The following DECR2 variants were observed in gnomAD, a reference collection of about 807,000 sequenced individuals.
DECR2 encodes 2,4-dienoyl-CoA reductase 2.
In DECR2, 34 loss-of-function variants were observed where a neutral mutation model predicts 29.2. The ratio of observed to expected loss-of-function variants is 1.16; its 90% CI spans 0.89 to 1.55. The LOEUF (loss-of-function observed/expected upper bound fraction) is 1.55. DECR2 is among the 40% of genes most tolerant of loss of function. DECR2 has a pLI of 0.00. For missense variants in DECR2, 485 were observed against 425.3 expected (o/e 1.14, Z -1.23); for synonymous variants, 224 against 182.7 (o/e 1.23, Z -1.82).
chr16:409,601 A>G (rs1158679607), intron 4 of DECR2: 4 of 152,112 alleles, frequency 2.6e-5, no homozygotes, highest in Non-Finnish European at 5.9e-5. Context: ...CACTGGTTTC[A>G]CTCTGCAGAA....
intron 2 of DECR2, among the ~76,000 whole-genome samples, chr16:405,873 C>G (rs567920074): frequency 6.6e-6 from 1 of 152,332 alleles, no homozygotes; most frequent in South Asian, 2.1e-4. Flanking sequence ...TTCGCAAGAA[C>G]AGTAGATAAG....
chr16:411,690 C>T, intron 8 of DECR2, 112 bp downstream of exon 8: 1 of 1,241,960 alleles, frequency 8.1e-7, no homozygotes, highest in Non-Finnish European at 1.1e-6. Flanking sequence ...TCCCCATCCT[C>T]CCGGCCCCTG....
At position 404,206 on chromosome 16, in the gene DECR2, A is replaced by T. The variant is rs144114224; in HGVS notation, c.81-750A>T. 3.8e-4 allele frequency among the ~76,000 whole-genome samples: 58 copies of T among 151,586 alleles called. 1 individual carries two copies. In the East Asian group the frequency reaches 6.0e-3, roughly 16 times the overall value. On this transcript the variant is annotated intron_variant, in intron 1 of 8. Coordinates refer to ENST00000219481, the MANE Select transcript of DECR2 (RefSeq NM_020664.4). Reference sequence around the variant, plus strand: ...TAAAAAATAAATAAATAAATTAAATAAAATACTATAATTTTATGAATTTTC... The same window carrying T: ...TAAAAAATAAATAAATAAATTAAATTAAATACTATAATTTTATGAATTTTC...
chr16:403,024 T>C, intron 1 of DECR2: 7 of 985,156 alleles, frequency 7.1e-6, no homozygotes, highest in Non-Finnish European at 8.4e-6. Flanking sequence ...AGGACAGGTA[T>C]TGACAATTCT....
chr16:406,906 C>T, intron 3 of DECR2: 1 of 1,025,924 alleles, frequency 9.7e-7, no homozygotes, highest in Non-Finnish European at 1.2e-6. Flanking sequence ...ACCACTGTGC[C>T]CAGCCGGCAC....
chr16:411,133 C>T (rs1317548049), intron 7 of DECR2, 57 bp downstream of exon 7: 3 of 1,431,894 alleles, frequency 2.1e-6, no homozygotes, highest in Non-Finnish European at 1.8e-6. Flanking sequence ...GCACAGGGTG[C>T]CCATGAAGCT....
chr16:410,318 C>A lies in DECR2; in HGVS notation c.413C>A (p.Thr138Asn). ...TTCAAGACCGTGATGGACATCGATA[C>A]CAGCGGCACCTTCAATGTGTCTCGT... is the stretch of plus-strand genomic sequence containing the variant. ...NAFKTVMDID[T>N]SGTFNVSRVL... Residue 138 changes from threonine (T) to asparagine (N), a missense_variant, in exon 5 of 9, where the codon ACC becomes AAC. By Grantham distance (65) the Thr-to-Asn change is moderately conservative. Coordinates refer to ENST00000219481, the MANE Select transcript of DECR2 (RefSeq NM_020664.4). The surrounding 1 kb of genome is among the most constrained non-coding windows in gnomAD (Gnocchi z 4.1). 6.2e-7 allele frequency: 1 copy of A among 1,613,372 alleles called. No homozygotes were observed.
intron 4 of DECR2, among the ~76,000 whole-genome samples, chr16:408,802 T>A (rs1357133285): frequency 1.3e-5 from 2 of 150,576 alleles, no homozygotes; most frequent in Non-Finnish European, 2.9e-5. Flanking sequence ...CAAGCAAGAG[T>A]CATCAATAAA....
intron 1 of DECR2, chr16:403,110 T>C (rs1284466956): frequency 2.4e-6 from 2 of 827,568 alleles, no homozygotes; most frequent in Non-Finnish European, 2.9e-6. Flanking sequence ...GCAATTCTCC[T>C]GCCTCAGCCT....
chr16:403,911 T>C (rs917959610), intron 1 of DECR2, among the ~76,000 whole-genome samples: 1 of 152,052 alleles, frequency 6.6e-6, no homozygotes, highest in Admixed American at 6.6e-5. Flanking sequence ...TGGTGGCTCA[T>C]GCCTGTAATC....
chr16:409,156 A>G (rs1279983755), intron 4 of DECR2, among the ~76,000 whole-genome samples: 2 of 143,238 alleles, frequency 1.4e-5, no homozygotes, highest in Non-Finnish European at 3.0e-5. Flanking sequence ...TTATTTCTTT[A>G]TTTTTTATTT....
At position 408,111 on chromosome 16, in the gene DECR2, A is replaced by C. The variant is rs2363760; in HGVS notation, c.337+551A>C. On this transcript the variant is annotated intron_variant, in intron 4 of 8. Transcript: ENST00000219481. ...CCTGTCTCCAGCCCCCTGTCTCCGG[A>C]CCTCTGTCTCCGGGCCCCTGTCTCC... is the stretch of plus-strand genomic sequence containing the variant. 4.1e-3 allele frequency among the ~76,000 whole-genome samples: 14 copies of C among 3,444 alleles called. 6 individuals are homozygous for C. Among genetic ancestry groups the C allele is most frequent in the South Asian group, 0.016 (2 of 126 alleles). The allele number at this position is 3,444 out of a possible 152,430, so 2.3% of individuals were successfully genotyped here.
At chr16:411,868 C>T (rs1395990340) in intron 8 of DECR2, 22 bp from the exon 9 acceptor site, 1 of 416,568 alleles carries the variant, frequency 2.4e-6, no homozygotes, top group East Asian at 4.0e-5. Flanking sequence ...CAGCCGGCTA[C>T]TAAGTTCTGA....
In DECR2 at chr16:411,431, G is replaced by A. The variant is rs2054817579; in HGVS notation, c.732G>A (p.Glu244=). The A allele has an allele frequency of 1.2e-6, 2 of 1,613,402 alleles. No individual in the cohort carries two copies. Among genetic ancestry groups the A allele is most frequent in the Admixed American group, 3.3e-5 (2 of 60,002 alleles). Residue 244 remains glutamate, a synonymous_variant, in exon 8 of 9, where the codon GAG becomes GAA. Transcript: ENST00000219481. ...TGCAGAGGCTGGGGAACAAGACCGAGATCGCCCACAGCGTGCTCTACCTGG... is the reference window on the plus strand; with the variant it reads ...TGCAGAGGCTGGGGAACAAGACCGAAATCGCCCACAGCGTGCTCTACCTGG... ...SPLQRLGNKT[E]IAHSVLYLAS...
chr16:402,142 A>G, intron 1 of DECR2, 99 bp downstream of exon 1: 1 of 969,174 alleles, frequency 1.0e-6, no homozygotes. Context: ...GTGTTAGGAA[A>G]CCTGTCTTGC....
chr16:406,550 T>C (rs1396654631), intron 3 of DECR2, 153 bp downstream of exon 3: 2 of 744,842 alleles, frequency 2.7e-6, no homozygotes, highest in Non-Finnish European at 2.2e-6. Context: ...CAGGCTGAAG[T>C]GTGGTGGTGC....
intron 2 of DECR2, chr16:405,736 G>C: frequency 1.8e-6 from 1 of 559,338 alleles, no homozygotes; most frequent in Non-Finnish European, 3.1e-6. Flanking sequence ...TCTCCATGCT[G>C]TTACCCCCAG....
chr16:410,017 C>T lies in DECR2; in HGVS notation c.338-226C>T, dbSNP rs1307348661. ...CCAAACAAGGCCACAGTCGCAGGTA[C>T]GGAGCCAGGGCTTCAGCATGTCTTC... On this transcript the variant is annotated intron_variant, in intron 4 of 8. Transcript: ENST00000219481. The surrounding 1 kb of genome is among the most constrained non-coding windows in gnomAD (Gnocchi z 4.1). 6 of 576,422 alleles carry T rather than the reference C, an allele frequency of 1.0e-5. No homozygotes were observed. Among genetic ancestry groups the T allele is most frequent in the Admixed American group, 6.3e-5 (2 of 31,794 alleles). The allele number at this position is 576,422 out of a possible 1,614,324, so 35.7% of individuals were successfully genotyped here.
Position 404,483 on chromosome 16 carries a change from G to GC in DECR2, c.81-470dup, listed in dbSNP as rs1344135640. 7.9e-5 allele frequency among the ~76,000 whole-genome samples: 12 copies of GC among 152,014 alleles called. No individual in the cohort carries two copies. The East Asian group carries it at 1.9e-3, about 25-fold the overall frequency. On this transcript the variant is annotated intron_variant, in intron 1 of 8. Transcript: ENST00000219481. ...TCGAACTCCCGACCTCAGGTGATCC[G>GC]CCCGCCTTGGCCTCCTAAAGTGCTG... is the stretch of plus-strand genomic sequence containing the variant.
Sources: gnomAD v4.1 joint callset for allele counts (sites outside exome capture counted in the v4.1 genomes callset) on GRCh38, gnomAD v4.1.1 for gene constraint, Gnocchi (gnomAD v3.1) non-coding constraint, MANE v1.5 for transcripts, NCBI Gene and HGNC (gene_info 2026-07-23, HGNC 2026-07-21) for gene names.